The following LRP1B variants were observed in gnomAD, a reference collection of about 807,000 sequenced individuals.
The protein encoded by LRP1B is low-density lipoprotein receptor-related protein 1B.
Under a neutral mutation model 556.6 loss-of-function variants are expected in LRP1B, and 217 were observed. That is an observed-to-expected ratio of 0.39 (90% CI 0.35 to 0.44). The LOEUF is 0.44. LRP1B is among the 20% of genes least tolerant of loss of function. The probability of loss-of-function intolerance (pLI) is 1.00; values close to 1 mark genes in which losing one functional copy is unlikely to be tolerated. For missense variants in LRP1B, 5,053 were observed against 5,620.8 expected (o/e 0.90, Z 3.23); for synonymous variants, 2,047 against 1,865.8 (o/e 1.10, Z -2.50).
intron 43 of LRP1B, among the ~76,000 whole-genome samples, chr2:140,585,964 C>A (rs945233853): frequency 6.6e-6 from 1 of 152,120 alleles, no homozygotes; most frequent in Non-Finnish European, 1.5e-5. Context: ...AATGCAAGGG[C>A]CTTGTTTTAC....
intron 1 of LRP1B, among the ~76,000 whole-genome samples, chr2:141,954,036 TTAC>T (rs1278962828): frequency 1.3e-5 from 2 of 152,110 alleles, no homozygotes; most frequent in East Asian, 3.9e-4. Context: ...CTGCCAATAA[TTAC>T]TTCTATACCT....
chr2:141,688,016 A>T (rs1000523315), intron 2 of LRP1B, among the ~76,000 whole-genome samples: 1 of 151,488 alleles, frequency 6.6e-6, no homozygotes, highest in Admixed American at 6.6e-5. Flanking sequence ...TTTTGAAAAA[A>T]AAAAACTCTT....
intron 2 of LRP1B, among the ~76,000 whole-genome samples, chr2:141,677,994 C>G (rs1187084681): frequency 6.6e-6 from 1 of 152,066 alleles, no homozygotes; most frequent in African/African-American, 2.4e-5. Flanking sequence ...ATAGATATTT[C>G]CTAGTTTTCC....
At chr2:140,252,062 C>CAAAAAAAAAAAAATAAAAAAAAAAAA (rs1681445756) in intron 86 of LRP1B, among the ~76,000 whole-genome samples, 1 of 18,558 alleles carries the variant, frequency 5.4e-5, no homozygotes, top group Non-Finnish European at 8.2e-5. Context: ...TGACAAGATG[C>CAAAAAAAAAAAAATAAAAAAAAAAAA]AAAAAAAAAA....
chr2:141,043,520 T>C (rs988569376), intron 11 of LRP1B, among the ~76,000 whole-genome samples: 1 of 151,964 alleles, frequency 6.6e-6, no homozygotes, highest in Non-Finnish European at 1.5e-5. Context: ...AGTTTAATTA[T>C]AGGATCTATG....
chr2:141,879,183 G>A (rs535284740), intron 1 of LRP1B, among the ~76,000 whole-genome samples: 1 of 151,744 alleles, frequency 6.6e-6, no homozygotes, highest in African/African-American at 2.4e-5. Context: ...ATATTAATAA[G>A]CAGAGATGTA....
intron 3 of LRP1B, among the ~76,000 whole-genome samples, chr2:141,274,340 G>A (rs1361078591): frequency 1.3e-5 from 2 of 152,022 alleles, no homozygotes; most frequent in Non-Finnish European, 2.9e-5. Flanking sequence ...ACAAAAAGAG[G>A]TATATCCATA....
At chr2:141,520,632 G>A (rs376739402) in intron 2 of LRP1B, among the ~76,000 whole-genome samples, 1 of 151,918 alleles carries the variant, frequency 6.6e-6, no homozygotes, top group East Asian at 1.9e-4. Context: ...TAAACGGGTC[G>A]GGAGAGGACT....
intron 2 of LRP1B, among the ~76,000 whole-genome samples, chr2:141,690,440 T>TATATATATATATATAA (rs1558806640): frequency 7.5e-6 from 1 of 132,824 alleles, no homozygotes; most frequent in African/African-American, 2.8e-5. Context: ...TATATATATA[T>TATATATATATATATAA]AATTACAAAT....
intron 27 of LRP1B, among the ~76,000 whole-genome samples, chr2:140,863,902 A>T (rs2105145905): frequency 6.6e-6 from 1 of 152,152 alleles, no homozygotes; most frequent in East Asian, 1.9e-4. Flanking sequence ...TCCAAGGAGA[A>T]TGTCAAGAAA....
intron 66 of LRP1B, among the ~76,000 whole-genome samples, chr2:140,433,364 C>T (rs753621397): frequency 1.6e-4 from 24 of 152,226 alleles, no homozygotes; most frequent in Middle Eastern, 3.4e-3. Context: ...TCCCAAAATG[C>T]TAGAAGTACA....
At chr2:141,904,685 G>C (rs1699707101) in intron 1 of LRP1B, among the ~76,000 whole-genome samples, 1 of 151,920 alleles carries the variant, frequency 6.6e-6, no homozygotes, top group East Asian at 1.9e-4. Flanking sequence ...AAGCAAGAGA[G>C]AGGATAGCTA....
At chr2:141,623,913 G>T (rs1158276389) in intron 2 of LRP1B, among the ~76,000 whole-genome samples, 1 of 150,430 alleles carries the variant, frequency 6.6e-6, no homozygotes, top group East Asian at 2.0e-4. Flanking sequence ...TACTCGGGAG[G>T]CTGAGGCAGG....
At chr2:140,747,399 T>G (rs1688353656) in intron 35 of LRP1B, among the ~76,000 whole-genome samples, 1 of 152,166 alleles carries the variant, frequency 6.6e-6, no homozygotes, top group Admixed American at 6.5e-5. Context: ...AGCTGAACTT[T>G]TTCACATGTC....
At chr2:140,728,022 C>T (rs1027862999) in intron 35 of LRP1B, among the ~76,000 whole-genome samples, 2 of 152,004 alleles carry the variant, frequency 1.3e-5, no homozygotes, top group African/African-American at 4.8e-5. Context: ...ATATCTTAAT[C>T]CCTTTCAGGT....
chr2:142,083,789 A>C (rs1281085357), intron 1 of LRP1B, among the ~76,000 whole-genome samples: 2 of 152,208 alleles, frequency 1.3e-5, no homozygotes, highest in African/African-American at 4.8e-5. Flanking sequence ...TCTTTATCAA[A>C]TATCATGACG....
chr2:140,609,074 G>T (rs767855771), intron 41 of LRP1B, among the ~76,000 whole-genome samples: 4 of 152,118 alleles, frequency 2.6e-5, no homozygotes, highest in Non-Finnish European at 5.9e-5. Context: ...CCGGAGATAA[G>T]CACCGACTTT....
intron 20 of LRP1B, among the ~76,000 whole-genome samples, chr2:140,927,375 C>G (rs370775351): frequency 1.3e-5 from 2 of 152,044 alleles, no homozygotes; most frequent in African/African-American, 4.8e-5. Flanking sequence ...CCTGCAGTTA[C>G]GCACATGATA....
intron 37 of LRP1B, 91 bp from the exon 38 acceptor site, chr2:140,702,644 G>T: frequency 1.8e-6 from 2 of 1,106,292 alleles, no homozygotes; most frequent in South Asian, 2.7e-5. Flanking sequence ...AACAGCAGTA[G>T]CATTCACACT....
Sources: allele counts gnomAD v4.1 joint callset (sites outside exome capture counted in the v4.1 genomes callset), GRCh38; gene constraint gnomAD v4.1.1; transcripts MANE v1.5; gene names NCBI Gene and HGNC (gene_info 2026-07-23, HGNC 2026-07-21).